Variants in MREG observed in about 807,000 individuals in gnomAD.
The protein encoded by MREG is melanoregulin.
A neutral mutation model predicts 28.5 loss-of-function variants in MREG; 31 were observed. The ratio of observed to expected loss-of-function variants is 1.09; its 90% CI spans 0.82 to 1.47. The LOEUF is 1.47. MREG is among the 40% of genes most tolerant of loss of function. The pLI is 0.00. For missense variants in MREG, 256 were observed against 257.4 expected, an observed-to-expected ratio of 0.99 and a Z score of 0.04; for synonymous variants, 106 against 95.2, an observed-to-expected ratio of 1.11 and a Z score of -0.66.
At chr2:216,001,054 A>C (rs1694003106) in intron 1 of MREG, among the ~76,000 whole-genome samples, 2 of 150,284 alleles carry the variant, frequency 1.3e-5, no homozygotes, top group African/African-American at 4.9e-5. Flanking sequence ...GCTCTCTCTC[A>C]CTATCACTTC....
chr2:215,956,181 T>C (rs766565444), intron 2 of MREG, among the ~76,000 whole-genome samples: 44 of 152,218 alleles, frequency 2.9e-4, no homozygotes, highest in Non-Finnish European at 5.9e-4. Flanking sequence ...GGGATCAGCC[T>C]ACACAGCAGT....
chr2:215,966,813 G>T (rs999655978), intron 2 of MREG, among the ~76,000 whole-genome samples: 4 of 152,072 alleles, frequency 2.6e-5, no homozygotes, highest in Non-Finnish European at 5.9e-5. Flanking sequence ...TGTTGGTCAG[G>T]CTGGTCTCGA....
chr2:215,956,103 A>G (rs1466005666), intron 2 of MREG, among the ~76,000 whole-genome samples: 2 of 152,370 alleles, frequency 1.3e-5, no homozygotes, highest in East Asian at 3.8e-4. Flanking sequence ...AAAATTTATT[A>G]GGAATAAATA....
rs942140440 is a variant in MREG, at chr2:216,003,987, G to A, written c.96-7522C>T. On this transcript the variant is annotated intron_variant, in intron 1 of 4. Coordinates refer to ENST00000263268, the MANE Select transcript of MREG (RefSeq NM_018000.3). Reference sequence around the variant, plus strand: ...TCATCCCTCAGCTCAAAACCTGCCAGTGGCTAACCCATTTGGCCTAGAGGA... The same window carrying A: ...TCATCCCTCAGCTCAAAACCTGCCAATGGCTAACCCATTTGGCCTAGAGGA... Among the ~76,000 whole-genome samples, 4 of 152,278 alleles carry A rather than the reference G, an allele frequency of 2.6e-5. No individual in the cohort carries two copies. The East Asian group carries it at 7.7e-4, about 29-fold the overall frequency.
chr2:215,963,767 TC>T (rs963841395), intron 2 of MREG, among the ~76,000 whole-genome samples: 1 of 151,488 alleles, frequency 6.6e-6, no homozygotes, highest in African/African-American at 2.4e-5. Context: ...TGAAGATTCA[TC>T]CCCCTTTTAG....
At chr2:215,990,343 T>TA (rs1425172094) in intron 2 of MREG, among the ~76,000 whole-genome samples, 6 of 151,964 alleles carry the variant, frequency 3.9e-5, no homozygotes, top group African/African-American at 1.5e-4. Flanking sequence ...GACAAGCAAA[T>TA]ACTGAGAGAT....
intron 2 of MREG, among the ~76,000 whole-genome samples, chr2:215,980,794 A>T (rs1392386046): frequency 1.3e-5 from 2 of 151,224 alleles, no homozygotes; most frequent in Non-Finnish European, 2.9e-5. Flanking sequence ...CCTGGGCAAC[A>T]AAGCAAGGCT....
At chr2:215,975,904 G>A (rs913981677) in intron 2 of MREG, among the ~76,000 whole-genome samples, 2 of 152,064 alleles carry the variant, frequency 1.3e-5, no homozygotes, top group African/African-American at 2.4e-5. Context: ...TGGCCAACAC[G>A]GTGAAACACT....
chr2:215,978,518 C>T (rs1356660775), intron 2 of MREG, among the ~76,000 whole-genome samples: 1 of 152,214 alleles, frequency 6.6e-6, no homozygotes, highest in Non-Finnish European at 1.5e-5. Context: ...AAGGAATCCT[C>T]CCTAACTCGT....
intron 2 of MREG, among the ~76,000 whole-genome samples, chr2:215,977,665 A>G (rs999045206): frequency 2.0e-5 from 3 of 152,224 alleles, no homozygotes; most frequent in Non-Finnish European, 2.9e-5. Context: ...AAGAACAGAA[A>G]TTATAACAAA....
chr2:216,022,531 CATCTCT>C (rs1694538472), intron 1 of MREG, among the ~76,000 whole-genome samples: 3 of 152,134 alleles, frequency 2.0e-5, no homozygotes, highest in Non-Finnish European at 4.4e-5. Flanking sequence ...ATTATATCTC[CATCTCT>C]AACTATACTC....
intron 1 of MREG, among the ~76,000 whole-genome samples, chr2:216,006,574 T>C (rs1694159670): frequency 6.6e-6 from 1 of 152,252 alleles, no homozygotes. Flanking sequence ...TGTGCCAATC[T>C]GCCCAATCTG....
In MREG at chr2:216,013,242, G is replaced by A. The variant is rs1422782581; in HGVS notation, c.86C>T (p.Pro29Leu). 6.5e-7 allele frequency: 1 copy of A among 1,549,172 alleles called. No homozygotes were observed. Among genetic ancestry groups the A allele is most frequent in the Non-Finnish European group, 8.7e-7 (1 of 1,146,600 alleles). Residue 29 changes from proline to leucine, a missense_variant, in exon 1 of 5, where the codon CCC becomes CTC. Transcript: ENST00000263268. ...LEERALPEKE[P>L]LVSDNNPYSS... ...CGGGCGGCGCACCCACCTGACGAGG[G>A]GCTCCTTCTCAGGCAGGGCGCGCTC... is the stretch of plus-strand genomic sequence containing the variant.
chr2:216,007,006 C>G (rs1003613737), intron 1 of MREG, among the ~76,000 whole-genome samples: 11 of 152,206 alleles, frequency 7.2e-5, no homozygotes, highest in South Asian at 4.1e-4. Context: ...CCATACCTCT[C>G]TGCACACCAG....
chr2:215,966,658 G>A (rs1180467747), intron 2 of MREG, among the ~76,000 whole-genome samples: 2 of 148,304 alleles, frequency 1.3e-5, no homozygotes, highest in African/African-American at 2.5e-5. Context: ...CTGGAGTGCA[G>A]TGGCACGATC....
intron 2 of MREG, among the ~76,000 whole-genome samples, chr2:215,974,574 G>A (rs1693190787): frequency 6.6e-6 from 1 of 152,108 alleles, no homozygotes; most frequent in South Asian, 2.1e-4. Context: ...GAAGAGGCAG[G>A]GCTAGGAGTG....
intron 3 of MREG, 36 bp from the exon 4 acceptor site, chr2:215,945,770 T>G: frequency 6.3e-7 from 1 of 1,586,348 alleles, no homozygotes; most frequent in Non-Finnish European, 8.6e-7. Flanking sequence ...TGTAAAGTAG[T>G]CCCAAGTTAA....
intron 1 of MREG, among the ~76,000 whole-genome samples, chr2:216,030,927 TTCTCTCTCTCTC>T (rs113417580): frequency 0.15 from 19,308 of 130,392 alleles, 1,691 homozygotes; most frequent in Non-Finnish European, 0.2. Context: ...ATGAGGCCCA[TTCTCTCTCTCTC>T]TCTCTCTCTC....
intron 1 of MREG, among the ~76,000 whole-genome samples, chr2:216,019,042 A>G (rs1324729561): frequency 6.6e-6 from 1 of 152,232 alleles, no homozygotes; most frequent in Non-Finnish European, 1.5e-5. Context: ...CATCTTGAAG[A>G]GCAGACCCAA....
Sources: gnomAD v4.1 joint callset for allele counts (sites outside exome capture counted in the v4.1 genomes callset) on GRCh38, gnomAD v4.1.1 for gene constraint, MANE v1.5 for transcripts, NCBI Gene and HGNC (gene_info 2026-07-23, HGNC 2026-07-21) for gene names.